The following TRPC5 variants were observed in gnomAD, a reference collection of about 807,000 sequenced individuals.
TRPC5 encodes transient receptor potential cation channel subfamily C member 5, also known as short transient receptor potential channel 5.
A neutral mutation model predicts 56.5 loss-of-function variants in TRPC5; 9 were observed. That is an observed-to-expected ratio of 0.16 (90% CI 0.10 to 0.28). The LOEUF is 0.28. Ranked by LOEUF, TRPC5 falls within the 10% of genes least tolerant of loss-of-function variation. The pLI, the probability that TRPC5 is intolerant of heterozygous loss-of-function variation, is 1.00. For synonymous variants in TRPC5, 282 were observed against 278.5 expected (o/e 1.01, Z -0.13); for missense variants, 469 against 748.9 (o/e 0.63, Z 4.36).
chrX:112,080,001 T>C (rs1459098458), intron 1 of TRPC5, among the ~76,000 whole-genome samples: 1 of 111,804 alleles, frequency 8.9e-6, no homozygotes, highest in African/African-American at 3.3e-5. Context: ...GCCAGTTCTT[T>C]CCTACCTGTC....
chrX:112,037,082 A>G (rs930636907), intron 1 of TRPC5, among the ~76,000 whole-genome samples: 3 of 111,967 alleles, frequency 2.7e-5, no homozygotes, highest in African/African-American at 9.7e-5. Flanking sequence ...TCAATGATGC[A>G]TTTATTATCT....
chrX:111,772,421 A>G lies in TRPC5; in HGVS notation c.*3892T>C, dbSNP rs765549038. 1.1e-4 allele frequency among the ~76,000 whole-genome samples: 12 copies of G among 111,112 alleles called. No homozygotes were observed. Among genetic ancestry groups the G allele is most frequent in the South Asian group, 3.8e-4 (1 of 2,631 alleles). On this transcript the variant is annotated 3_prime_UTR_variant, in exon 11 of 11. Transcript: ENST00000262839. ...CTTGATTACCAAGAAAATATACTCA[A>G]TTTTTCTTAGGTACCTTTATTTATT...
intron 1 of TRPC5, among the ~76,000 whole-genome samples, chrX:111,984,777 G>T (rs893619173): frequency 1.8e-5 from 2 of 112,709 alleles, no homozygotes; most frequent in African/African-American, 6.4e-5. Context: ...ATACTCTGAA[G>T]TTGGACCAAG....
intron 1 of TRPC5, among the ~76,000 whole-genome samples, chrX:112,068,978 G>C (rs1399770699): frequency 8.9e-6 from 1 of 111,771 alleles, no homozygotes; most frequent in Non-Finnish European, 1.9e-5. Flanking sequence ...GATGTGACTT[G>C]CCCAAGGTCT....
intron 1 of TRPC5, among the ~76,000 whole-genome samples, chrX:112,047,959 T>C (rs1252733008): frequency 8.9e-6 from 1 of 112,512 alleles, no homozygotes; most frequent in East Asian, 2.8e-4. Context: ...ACTATCAACT[T>C]CTGGAGGGTT....
rs1450513541 is a variant in TRPC5, at chrX:111,952,265, A to G, written c.156T>C (p.Leu52=). Residue 52 remains leucine (L), a synonymous_variant, in exon 2 of 11, where the codon CTT becomes CTC. Coordinates refer to ENST00000262839, the MANE Select transcript of TRPC5 (RefSeq NM_012471.3). ...CATTATAGTAGATCTCAGCCTCCTG[A>G]AGGGCCTGCTTCACAGTGGCATAGT... ...KGDYATVKQA[L]QEAEIYYNVN... The G allele has an allele frequency of 8.3e-7, 1 of 1,211,815 alleles. No homozygotes were observed. The highest frequency in any genetic ancestry group is 1.1e-6 in the Non-Finnish European group (1 of 895,519).
intron 7 of TRPC5, among the ~76,000 whole-genome samples, chrX:111,784,627 A>C (rs913563908): frequency 8.9e-6 from 1 of 112,237 alleles, no homozygotes; most frequent in African/African-American, 3.2e-5. Flanking sequence ...GTGTCACCTC[A>C]CCCAGGAAGC....
intron 3 of TRPC5, among the ~76,000 whole-genome samples, chrX:111,889,785 A>G (rs1924713608): frequency 8.9e-6 from 1 of 111,923 alleles, no homozygotes; most frequent in Non-Finnish European, 1.9e-5. Context: ...AGAGGTAAAA[A>G]TAGAGAAGTT....
intron 1 of TRPC5, among the ~76,000 whole-genome samples, chrX:111,963,282 G>A (rs949161779): frequency 3.6e-5 from 4 of 112,459 alleles, no homozygotes; most frequent in African/African-American, 1.3e-4. Flanking sequence ...GGGGAGGGGC[G>A]CCTGCCATTG....
chrX:111,964,493 G>A (rs1308788649), intron 1 of TRPC5, among the ~76,000 whole-genome samples: 4 of 111,547 alleles, frequency 3.6e-5, no homozygotes, highest in South Asian at 3.7e-4. Flanking sequence ...GATACTCCTC[G>A]AGAAGAGCAA....
At chrX:111,971,394 T>C (rs753442454) in intron 1 of TRPC5, among the ~76,000 whole-genome samples, 2 of 111,603 alleles carry the variant, frequency 1.8e-5, no homozygotes, top group East Asian at 5.7e-4. Flanking sequence ...ATAATCCAGA[T>C]AGAATCTCAA....
At chrX:112,013,118 G>T (rs1929033133) in intron 1 of TRPC5, among the ~76,000 whole-genome samples, 1 of 110,241 alleles carries the variant, frequency 9.1e-6, no homozygotes, top group African/African-American at 3.3e-5. Context: ...CAAGATCATA[G>T]TGTAGATTTT....
intron 2 of TRPC5, among the ~76,000 whole-genome samples, chrX:111,948,740 A>G (rs1359604166): frequency 3.7e-5 from 4 of 109,571 alleles, no homozygotes; most frequent in Non-Finnish European, 5.7e-5. Flanking sequence ...TCCAAAAAAA[A>G]AAAAAAGAAA....
At chrX:111,911,506 G>A (rs1925816510) in intron 3 of TRPC5, among the ~76,000 whole-genome samples, 1 of 111,849 alleles carries the variant, frequency 8.9e-6, no homozygotes, top group Non-Finnish European at 1.9e-5. Flanking sequence ...GTGGTATCAT[G>A]CTGCTTCCTT....
intron 1 of TRPC5, among the ~76,000 whole-genome samples, chrX:111,958,242 C>T (rs1428779797): frequency 2.7e-5 from 3 of 112,057 alleles, no homozygotes; most frequent in Non-Finnish European, 5.6e-5. Context: ...CAAGACCACG[C>T]TTTCAAGCCC....
At chrX:111,817,760 T>C (rs1921906818) in intron 7 of TRPC5, among the ~76,000 whole-genome samples, 1 of 111,595 alleles carries the variant, frequency 9.0e-6, no homozygotes, top group Non-Finnish European at 1.9e-5. Context: ...ATCTAGTCAA[T>C]GATAAAGCAG....
At chrX:111,979,429 T>C (rs752785400) in intron 1 of TRPC5, among the ~76,000 whole-genome samples, 3 of 111,577 alleles carry the variant, frequency 2.7e-5, no homozygotes, top group African/African-American at 6.5e-5. Context: ...TTCTTCGATA[T>C]AACATCAAAA....
At chrX:111,798,536 A>G (rs570620144) in intron 7 of TRPC5, among the ~76,000 whole-genome samples, 2 of 112,086 alleles carry the variant, frequency 1.8e-5, no homozygotes, top group African/African-American at 6.5e-5. Context: ...AGAAACAGAA[A>G]TGTCATGACA....
At chrX:111,917,392 A>G (rs1314573763) in intron 2 of TRPC5, among the ~76,000 whole-genome samples, 4 of 112,439 alleles carry the variant, frequency 3.6e-5, no homozygotes, top group African/African-American at 1.3e-4. Context: ...TAGATAAAAA[A>G]TAACAAATTT....
Sources: gnomAD v4.1 joint callset for allele counts (sites outside exome capture counted in the v4.1 genomes callset) on GRCh38, gnomAD v4.1.1 for gene constraint, MANE v1.5 for transcripts, NCBI Gene and HGNC (gene_info 2026-07-23, HGNC 2026-07-21) for gene names.